The following ARHGEF26 variants were observed in gnomAD, a reference collection of about 807,000 sequenced individuals.
ARHGEF26 encodes Rho guanine nucleotide exchange factor 26.
A neutral mutation model predicts 89.4 loss-of-function variants in ARHGEF26; 59 were observed. The ratio of observed to expected loss-of-function variants is 0.66; its 90% CI spans 0.54 to 0.82. The LOEUF is 0.82. ARHGEF26 is among the 40% of genes least tolerant of loss of function. The probability of loss-of-function intolerance (pLI) is 0.00; values close to 1 mark genes in which losing one functional copy is unlikely to be tolerated. For synonymous variants in ARHGEF26, 500 were observed against 428.4 expected (o/e 1.17, Z -2.06); for missense variants, 1,234 against 1,085.6 (o/e 1.14, Z -1.92).
intron 4 of ARHGEF26, among the ~76,000 whole-genome samples, chr3:154,131,076 C>A (rs1718656881): frequency 6.6e-6 from 1 of 152,158 alleles, no homozygotes; most frequent in Non-Finnish European, 1.5e-5. Context: ...ATTTCCAGGG[C>A]CTCTGAGGTA....
rs368220552 is a variant in ARHGEF26 at position 154,225,885 on chromosome 3, G to A, written c.1965G>A (p.Trp655Ter). 2 of 1,608,312 alleles carry A rather than the reference G, an allele frequency of 1.2e-6. No individual in the cohort carries two copies. The highest frequency in any genetic ancestry group is 2.7e-5 in the African/African-American group (2 of 74,472). Reference protein sequence around the residue: ...KPFPLVSSSRWLVKRGELTAY... With the variant: ...KPFPLVSSSR Reference sequence around the variant, plus strand: ...TTCCTTTAGTCTCCTCTTCCCGGTGGTTGGTAAAAAGAGGTGAATTGACAG... The same window carrying A: ...TTCCTTTAGTCTCCTCTTCCCGGTGATTGGTAAAAAGAGGTGAATTGACAG... The change falls in exon 11 of 15, where the codon TGG becomes TGA. Residue 655 changes from tryptophan to a stop codon, truncating the protein, a stop_gained. Transcript: ENST00000465093. LOFTEE classifies it high-confidence loss of function.
In ARHGEF26 at chr3:154,197,465, G is replaced by A. The variant is rs113740568; in HGVS notation, c.1845+2747G>A. Reference sequence around the variant, plus strand: ...TGGGAGTTCCCAATATTTTATTTTAGAGAGTTAAATTTGGTATGTTGAGGC... The same window carrying A: ...TGGGAGTTCCCAATATTTTATTTTAAAGAGTTAAATTTGGTATGTTGAGGC... On this transcript the variant is annotated intron_variant, in intron 9 of 14. Coordinates refer to ENST00000465093, the MANE Select transcript of ARHGEF26 (RefSeq NM_015595.4). 1.4e-3 allele frequency among the ~76,000 whole-genome samples: 214 copies of A among 152,228 alleles called. 2 individuals carry two copies. The highest frequency in any genetic ancestry group is 4.9e-3 in the African/African-American group (204 of 41,556).
rs1718793737 is a variant in ARHGEF26, at chr3:154,133,202, G to T, written c.1269+3483G>T. ...AAGCCTTGAGTCTGTGCTGTAATTTGTCTGGGCGTGTTTATGTTTCCTTTG... is the reference window on the plus strand; with the variant it reads ...AAGCCTTGAGTCTGTGCTGTAATTTTTCTGGGCGTGTTTATGTTTCCTTTG... On this transcript the variant is annotated intron_variant, in intron 4 of 14. Coordinates refer to ENST00000465093, the MANE Select transcript of ARHGEF26 (RefSeq NM_015595.4). 2.0e-5 allele frequency among the ~76,000 whole-genome samples: 3 copies of T among 152,220 alleles called. No homozygotes were observed. The South Asian group carries it at 6.2e-4, about 32-fold the overall frequency.
Position 154,122,955 on chromosome 3 carries a change from G to A in ARHGEF26, c.963G>A (p.Val321=). The A allele has an allele frequency of 6.2e-7, 1 of 1,613,744 alleles. No individual in the cohort carries two copies. Among genetic ancestry groups the A allele is most frequent in the Non-Finnish European group, 8.5e-7 (1 of 1,179,820 alleles). The change falls in exon 2 of 15, where the codon GTG becomes GTA. Residue 321 remains valine (V), a synonymous_variant. Transcript: ENST00000465093. The stretch of plus-strand genomic sequence containing the variant: ...GGTCCACGTCTTATCGCAGGGCAGT[G>A]GTCAGTGGCTTTGATTTTGACAGTC... ...GLRSTSYRRA[V]VSGFDFDSPT...
intron 4 of ARHGEF26, among the ~76,000 whole-genome samples, chr3:154,136,923 A>G (rs1316176257): frequency 2.0e-5 from 3 of 152,126 alleles, no homozygotes; most frequent in Non-Finnish European, 4.4e-5. Context: ...ACTTTTTATA[A>G]CTGGCTCACA....
At chr3:154,187,572 CTG>C (rs1553744111) in intron 6 of ARHGEF26, 111 bp from the exon 7 acceptor site, 2 of 818,024 alleles carry the variant, frequency 2.4e-6, no homozygotes, top group Non-Finnish European at 3.6e-6. Context: ...TTAGTTGGTA[CTG>C]TGTACTGTTG....
chr3:154,174,916 T>C lies in ARHGEF26; in HGVS notation c.1488-12769T>C, dbSNP rs1017637515. Among the ~76,000 whole-genome samples the C allele has an allele frequency of 2.6e-5, 4 of 152,248 alleles. No homozygotes were observed. In the South Asian group the frequency reaches 8.3e-4, roughly 32 times the overall value. On this transcript the variant is annotated intron_variant, in intron 6 of 14. Transcript: ENST00000465093. ...TAAAATTAGAAAATATATAGACATATACTTTTTATAAACATTGCAAAGAAA... is the reference window on the plus strand; with the variant it reads ...TAAAATTAGAAAATATATAGACATACACTTTTTATAAACATTGCAAAGAAA...
rs1381604524 is a variant in ARHGEF26, at chr3:154,256,768, T to TCC, written c.*1295_*1296insCC. ...GGTACCCAATTGAAACCTTTTGACC[T>TCC]TAGTGGGAATTCATTCTATTTGCAC... On this transcript the variant is annotated 3_prime_UTR_variant, in exon 15 of 15. Coordinates refer to ENST00000465093, the MANE Select transcript of ARHGEF26 (RefSeq NM_015595.4). 6.9e-7 allele frequency: 1 copy of TCC among 1,455,586 alleles called. No homozygotes were observed. The highest frequency in any genetic ancestry group is 9.0e-7 in the Non-Finnish European group (1 of 1,112,102). The allele number at this position is 1,455,586 out of a possible 1,614,324, so 90.2% of individuals were successfully genotyped here.
rs1718449397 is a variant in ARHGEF26, at chr3:154,255,588, A to G, written c.*115A>G. 6.8e-7 allele frequency: 1 copy of G among 1,467,322 alleles called. No individual in the cohort carries two copies. 90.9% of individuals were successfully genotyped at this position (1,467,322 alleles called of 1,614,324 possible). ...CAGCCTATTTAATTAAAAGAACGAA[A>G]ACACTTGCCTTTAAGCTTGCCAGGT... is the stretch of plus-strand genomic sequence containing the variant. On this transcript the variant is annotated 3_prime_UTR_variant, in exon 15 of 15. Transcript: ENST00000465093.
chr3:154,132,492 G>C (rs971414663), intron 4 of ARHGEF26, among the ~76,000 whole-genome samples: 1 of 152,028 alleles, frequency 6.6e-6, no homozygotes, highest in African/African-American at 2.4e-5. Flanking sequence ...TTTAACACCA[G>C]AAAGCAGCCA....
chr3:154,210,586 A>G (rs1715300128), intron 9 of ARHGEF26, among the ~76,000 whole-genome samples: 1 of 150,852 alleles, frequency 6.6e-6, no homozygotes. Context: ...AAATGCTGGG[A>G]TGACAGGCGT....
intron 12 of ARHGEF26, among the ~76,000 whole-genome samples, chr3:154,246,619 A>G (rs994526713): frequency 4.1e-4 from 62 of 152,222 alleles, no homozygotes; most frequent in African/African-American, 1.5e-3. Flanking sequence ...CACATAAGCC[A>G]TAGCAGGAAG....
rs1050653411 is a variant in ARHGEF26, at chr3:154,256,562, A to C, written c.*1089A>C. On this transcript the variant is annotated 3_prime_UTR_variant, in exon 15 of 15. Transcript: ENST00000465093. ...TTCTAATTAATTAAAAAAAAAAAAA[A>C]AAAAAAAAAAAAACCTTCCCAAATG... is the stretch of plus-strand genomic sequence containing the variant. The C allele has an allele frequency of 1.0e-5, 10 of 996,978 alleles. No homozygotes were observed. The highest frequency in any genetic ancestry group is 4.9e-4 in the Middle Eastern group (1 of 2,028). 61.8% of individuals were successfully genotyped at this position (996,978 alleles called of 1,614,324 possible).
At chr3:154,235,337 G>A (rs1386508635) in intron 11 of ARHGEF26, among the ~76,000 whole-genome samples, 2 of 151,894 alleles carry the variant, frequency 1.3e-5, no homozygotes, top group Admixed American at 6.6e-5. Flanking sequence ...TAAGGGTTTT[G>A]TGGGTTTTGT....
intron 12 of ARHGEF26, among the ~76,000 whole-genome samples, chr3:154,242,047 C>T (rs929208067): frequency 1.3e-5 from 2 of 152,180 alleles, no homozygotes; most frequent in Non-Finnish European, 2.9e-5. Context: ...AAGGCACCCA[C>T]ATAAAATGTC....
At position 154,255,490 on chromosome 3, in the gene ARHGEF26, T is replaced by C. The variant is rs377519738; in HGVS notation, c.*17T>C. 22 of 1,606,778 alleles carry C rather than the reference T, an allele frequency of 1.4e-5. No individual in the cohort carries two copies. Among genetic ancestry groups the C allele is most frequent in the African/African-American group, 2.7e-5 (2 of 74,658 alleles). On this transcript the variant is annotated 3_prime_UTR_variant, in exon 15 of 15. Transcript: ENST00000465093. ...AACGTGTAGTCTCTCAGATGGTCTTTTGTTACTGCAAGATTTGCACGACAC... is the reference window on the plus strand; with the variant it reads ...AACGTGTAGTCTCTCAGATGGTCTTCTGTTACTGCAAGATTTGCACGACAC...
At chr3:154,235,001 A>G (rs1213783944) in intron 11 of ARHGEF26, among the ~76,000 whole-genome samples, 2 of 151,454 alleles carry the variant, frequency 1.3e-5, no homozygotes. Flanking sequence ...TGACCTTGTG[A>G]TCCGCCCGCC....
chr3:154,135,595 C>A (rs1249427736), intron 4 of ARHGEF26, among the ~76,000 whole-genome samples: 1 of 152,148 alleles, frequency 6.6e-6, no homozygotes, highest in Non-Finnish European at 1.5e-5. Context: ...GCAGGTAAAT[C>A]ACCGGTGCCT....
At chr3:154,216,493 T>TTTA (rs1715742192) in intron 9 of ARHGEF26, among the ~76,000 whole-genome samples, 1 of 24,952 alleles carries the variant, frequency 4.0e-5, no homozygotes, top group African/African-American at 1.6e-4. Flanking sequence ...TTTTTTTTTA[T>TTTA]TTTTTTTTAT....
Sources: allele counts gnomAD v4.1 joint callset (sites outside exome capture counted in the v4.1 genomes callset), GRCh38; gene constraint gnomAD v4.1.1; transcripts MANE v1.5; gene names NCBI Gene and HGNC (gene_info 2026-07-23, HGNC 2026-07-21).